Variants in LRMDA observed in about 807,000 individuals in gnomAD.
LRMDA encodes the protein leucine-rich melanocyte differentiation-associated protein.
LRMDA carries 18 observed loss-of-function variants against 29.8 expected under a neutral mutation model. The ratio of observed to expected loss-of-function variants is 0.60; its 90% confidence interval spans 0.42 to 0.90. LRMDA has a LOEUF of 0.90. Among genes scored for constraint, LRMDA ranks in the 40% least tolerant of loss-of-function variants. The pLI is 0.00. For synonymous variants in LRMDA, 125 were observed against 109.4 expected (o/e 1.14, Z -0.89); for missense variants, 273 against 273.9 (o/e 1.00, Z 0.02).
chr10:76,320,116 G>A (rs936387053), intron 5 of LRMDA, among the ~76,000 whole-genome samples: 9 of 152,166 alleles, frequency 5.9e-5, no homozygotes, highest in African/African-American at 1.9e-4. Flanking sequence ...TGAAATTCTC[G>A]CTTTGCACGT....
intron 2 of LRMDA, among the ~76,000 whole-genome samples, chr10:75,439,495 C>T (rs764221638): frequency 2.6e-5 from 4 of 152,170 alleles, no homozygotes; most frequent in Non-Finnish European, 5.9e-5. Flanking sequence ...TGGAACACAA[C>T]TCTGGAAAAT....
intron 5 of LRMDA, among the ~76,000 whole-genome samples, chr10:76,173,330 A>T (rs1850871844): frequency 6.6e-6 from 1 of 152,178 alleles, no homozygotes; most frequent in Non-Finnish European, 1.5e-5. Flanking sequence ...CAGAAGAAGA[A>T]AAAAAATAAA....
At chr10:75,645,506 G>A (rs764497060) in intron 2 of LRMDA, among the ~76,000 whole-genome samples, 4 of 152,122 alleles carry the variant, frequency 2.6e-5, no homozygotes, top group Non-Finnish European at 4.4e-5. Flanking sequence ...TGTGAATGTC[G>A]GAGCTAGAAC....
intron 2 of LRMDA, among the ~76,000 whole-genome samples, chr10:75,917,075 T>C (rs753630734): frequency 6.6e-6 from 1 of 152,184 alleles, no homozygotes; most frequent in African/African-American, 2.4e-5. Context: ...CTAGCAACAG[T>C]TTGCTGTGTA....
At chr10:76,350,230 T>G (rs777936861) in intron 6 of LRMDA, among the ~76,000 whole-genome samples, 5 of 152,114 alleles carry the variant, frequency 3.3e-5, no homozygotes, top group Admixed American at 1.3e-4. Context: ...TATTTATTTC[T>G]AAGCTTGGTA....
intron 2 of LRMDA, among the ~76,000 whole-genome samples, chr10:76,003,335 C>T: frequency 6.6e-6 from 1 of 152,146 alleles, no homozygotes. Flanking sequence ...CAAGGCAAGC[C>T]TAGACCACAG....
At chr10:76,424,782 T>G (rs1342795085) in intron 6 of LRMDA, among the ~76,000 whole-genome samples, 1 of 152,216 alleles carries the variant, frequency 6.6e-6, no homozygotes, top group African/African-American at 2.4e-5. Flanking sequence ...TCAACCCAGT[T>G]TGTTGATTAG....
At chr10:76,057,968 A>G (rs1327458237) in intron 4 of LRMDA, among the ~76,000 whole-genome samples, 10 of 152,228 alleles carry the variant, frequency 6.6e-5, no homozygotes, top group Non-Finnish European at 1.3e-4. Flanking sequence ...ACTAGCAGCC[A>G]TTGGCTTATT....
chr10:76,412,950 C>T (rs1320703365), intron 6 of LRMDA, among the ~76,000 whole-genome samples: 1 of 152,120 alleles, frequency 6.6e-6, no homozygotes, highest in Non-Finnish European at 1.5e-5. Flanking sequence ...TTCCTTCCTC[C>T]TCTCTGGATT....
At chr10:75,604,974 G>A (rs1010697065) in intron 2 of LRMDA, among the ~76,000 whole-genome samples, 2 of 152,114 alleles carry the variant, frequency 1.3e-5, no homozygotes, top group African/African-American at 2.4e-5. Context: ...TTGCAATTCA[G>A]TTTTCCCAAA....
At chr10:75,880,382 TAACTC>T (rs1478626220) in intron 2 of LRMDA, among the ~76,000 whole-genome samples, 9 of 152,322 alleles carry the variant, frequency 5.9e-5, no homozygotes, top group African/African-American at 2.2e-4. Flanking sequence ...ATATTGCTAA[TAACTC>T]AATTAAAATT....
rs1029559393 is a variant in LRMDA at position 76,558,162 on chromosome 10, C to G, written c.*874C>G. 6.6e-6 allele frequency: 1 copy of G among 152,192 alleles called. No homozygotes were observed. Among genetic ancestry groups the G allele is most frequent in the Non-Finnish European group, 1.5e-5 (1 of 68,062 alleles). The allele number at this position is 152,192 out of a possible 1,614,324, so 9.4% of individuals were successfully genotyped here. ...ATTTATTTTTAACCGTACACACTTC[C>G]AGTGATGCCTGTGGCCATACTTGTG... On this transcript the variant is annotated 3_prime_UTR_variant, in exon 7 of 7. Coordinates refer to ENST00000611255, the MANE Select transcript of LRMDA (RefSeq NM_001305581.2).
At chr10:75,688,925 G>A (rs1313803374) in intron 2 of LRMDA, among the ~76,000 whole-genome samples, 1 of 151,918 alleles carries the variant, frequency 6.6e-6, no homozygotes, top group Non-Finnish European at 1.5e-5. Context: ...TTTAAATCAG[G>A]GTATATACAT....
At chr10:76,214,330 A>ATATTTTTTT (rs1554855432) in intron 5 of LRMDA, among the ~76,000 whole-genome samples, 1 of 87,242 alleles carries the variant, frequency 1.1e-5, no homozygotes, top group African/African-American at 5.0e-5. Context: ...CTTGAACCAA[A>ATATTTTTTT]TTTTTTTTTT....
intron 2 of LRMDA, among the ~76,000 whole-genome samples, chr10:75,609,525 G>A (rs572754001): frequency 1.3e-4 from 20 of 152,292 alleles, no homozygotes; most frequent in Non-Finnish European, 1.9e-4. Flanking sequence ...CATCTTGGGC[G>A]AATTCAGCAT....
chr10:75,703,339 A>G (rs913245836), intron 2 of LRMDA, among the ~76,000 whole-genome samples: 1 of 152,244 alleles, frequency 6.6e-6, no homozygotes, highest in Non-Finnish European at 1.5e-5. Context: ...GGCAGAAACC[A>G]GGGATAACTG....
chr10:75,836,236 C>T (rs1168085631), intron 2 of LRMDA, among the ~76,000 whole-genome samples: 1 of 152,156 alleles, frequency 6.6e-6, no homozygotes, highest in Non-Finnish European at 1.5e-5. Context: ...TTGCTAGATT[C>T]TTGCAGCTGC....
chr10:76,422,787 C>G (rs1278183651), intron 6 of LRMDA, among the ~76,000 whole-genome samples: 1 of 152,130 alleles, frequency 6.6e-6, no homozygotes, highest in Non-Finnish European at 1.5e-5. Context: ...CAGTAATACC[C>G]CTGGGGCATC....
chr10:75,659,279 T>G (rs1200724300), intron 2 of LRMDA, among the ~76,000 whole-genome samples: 3 of 152,170 alleles, frequency 2.0e-5, no homozygotes, highest in Non-Finnish European at 4.4e-5. Flanking sequence ...GTCTTTCCAG[T>G]TTTTGCTTAA....
Sources: gnomAD v4.1 joint callset for allele counts (sites outside exome capture counted in the v4.1 genomes callset) on GRCh38, gnomAD v4.1.1 for gene constraint, MANE v1.5 for transcripts, NCBI Gene and HGNC (gene_info 2026-07-23, HGNC 2026-07-21) for gene names.